The following CCDC73 variants were observed in gnomAD, a reference collection of about 807,000 sequenced individuals.
CCDC73 encodes the protein coiled-coil domain-containing protein 73.
CCDC73 carries 95 observed loss-of-function variants against 116.5 expected under a neutral mutation model. The ratio of observed to expected loss-of-function variants is 0.82; its 90% CI spans 0.69 to 0.97. The LOEUF (loss-of-function observed/expected upper bound fraction) is 0.97, where lower values mean the gene tolerates loss of function less well. CCDC73 is among the 50% of genes least tolerant of loss of function. The probability of loss-of-function intolerance (pLI) is 0.00; values close to 1 mark genes in which losing one functional copy is unlikely to be tolerated. For missense variants in CCDC73, 1,066 were observed against 1,206.8 expected (o/e 0.88, Z 1.73); for synonymous variants, 398 against 401.3 (o/e 0.99, Z 0.10).
intron 1 of CCDC73, among the ~76,000 whole-genome samples, chr11:32,776,994 T>TAAAC: frequency 2.4e-5 from 1 of 41,734 alleles, no homozygotes; most frequent in Non-Finnish European, 5.5e-5. Flanking sequence ...CACATGTATA[T>TAAAC]ATATATATAT....
chr11:32,640,008 A>AT (rs1268440819), intron 13 of CCDC73, among the ~76,000 whole-genome samples: 2 of 152,102 alleles, frequency 1.3e-5, no homozygotes, highest in Non-Finnish European at 2.9e-5. Context: ...ATTCCAATTT[A>AT]TTTTTATCAG....
intron 13 of CCDC73, among the ~76,000 whole-genome samples, chr11:32,636,579 CT>C (rs1453559452): frequency 1.3e-5 from 2 of 151,980 alleles, no homozygotes; most frequent in Non-Finnish European, 2.9e-5. Context: ...TTAAAAGTTT[CT>C]TATAAAAGTT....
intron 9 of CCDC73, among the ~76,000 whole-genome samples, chr11:32,659,452 A>C (rs1855902308): frequency 6.6e-6 from 1 of 151,890 alleles, no homozygotes. Context: ...GAAAAGCAAA[A>C]CTCTATCCCA....
At chr11:32,604,739 C>G (rs532558005) in intron 17 of CCDC73, 1 of 152,298 alleles carries the variant, frequency 6.6e-6, no homozygotes, top group South Asian at 2.1e-4. Context: ...GTTCATAAAT[C>G]TTTGTGAAGA....
chr11:32,828,318 G>A, the CCDC73 span, among the ~76,000 whole-genome samples: 8 of 152,066 alleles, frequency 5.3e-5, no homozygotes, highest in Middle Eastern at 3.4e-3. Flanking sequence ...AGAACAACCT[G>A]GCCAACATGG....
intron 12 of CCDC73, among the ~76,000 whole-genome samples, chr11:32,643,513 G>T (rs559001446): frequency 1.3e-5 from 2 of 152,184 alleles, no homozygotes; most frequent in South Asian, 4.1e-4. Flanking sequence ...ATATAGTATA[G>T]CTTATTGCTC....
At chr11:32,622,518 G>A (rs552266614) in intron 14 of CCDC73, among the ~76,000 whole-genome samples, 1 of 152,140 alleles carries the variant, frequency 6.6e-6, no homozygotes, top group Non-Finnish European at 1.5e-5. Flanking sequence ...CGGGTGGGGG[G>A]CAGCAAGGGG....
At chr11:32,606,361 C>A (rs1026200884) in intron 17 of CCDC73, 1 of 152,248 alleles carries the variant, frequency 6.6e-6, no homozygotes, top group South Asian at 2.1e-4. Context: ...TGGCCTCTTA[C>A]AACTGCTCAA....
chr11:32,728,892 A>C (rs976645230), intron 2 of CCDC73, among the ~76,000 whole-genome samples: 1 of 152,066 alleles, frequency 6.6e-6, no homozygotes, highest in Non-Finnish European at 1.5e-5. Flanking sequence ...TTTAGTAGAG[A>C]TGGGGTTTCA....
chr11:32,690,711 C>T (rs2133303280), intron 6 of CCDC73, among the ~76,000 whole-genome samples: 1 of 152,238 alleles, frequency 6.6e-6, no homozygotes, highest in Admixed American at 6.5e-5. Flanking sequence ...TTCCTGAGGC[C>T]TCCCAGTCAA....
At chr11:32,784,097 A>C (rs1256202411) in intron 1 of CCDC73, among the ~76,000 whole-genome samples, 1 of 152,236 alleles carries the variant, frequency 6.6e-6, no homozygotes, top group African/African-American at 2.4e-5. Flanking sequence ...TGGGAGGCCA[A>C]GGTGGGCAGA....
At chr11:32,718,227 T>G in intron 2 of CCDC73, 80 bp from the exon 3 acceptor site, 1 of 897,612 alleles carries the variant, frequency 1.1e-6, no homozygotes, top group Non-Finnish European at 1.7e-6. Context: ...TGGAGAGATA[T>G]AGAAATAGCA....
At chr11:32,780,270 T>C (rs1424563922) in intron 1 of CCDC73, among the ~76,000 whole-genome samples, 1 of 151,740 alleles carries the variant, frequency 6.6e-6, no homozygotes, top group Non-Finnish European at 1.5e-5. Context: ...GAAGGCTCTG[T>C]CTCAAAAAAT....
At chr11:32,789,300 T>C (rs1195183367) in intron 1 of CCDC73, among the ~76,000 whole-genome samples, 1 of 152,172 alleles carries the variant, frequency 6.6e-6, no homozygotes, top group Non-Finnish European at 1.5e-5. Flanking sequence ...AAGAGATCAG[T>C]TATAAAATCA....
At chr11:32,819,753 AC>A in the CCDC73 span, among the ~76,000 whole-genome samples, 1 of 152,190 alleles carries the variant, frequency 6.6e-6, no homozygotes, top group Admixed American at 6.5e-5. Context: ...GAGCCACTAT[AC>A]ATAACCAAGA....
chr11:32,638,214 T>A (rs1245021216), intron 13 of CCDC73, among the ~76,000 whole-genome samples: 1 of 152,240 alleles, frequency 6.6e-6, no homozygotes, highest in African/African-American at 2.4e-5. Flanking sequence ...TTCTTCTTAT[T>A]GATTTCTTTC....
At chr11:32,830,009 T>C in the CCDC73 span, 1 of 985,720 alleles carries the variant, frequency 1.0e-6, no homozygotes, top group Non-Finnish European at 1.2e-6. Context: ...CCCCAGGCCC[T>C]TCCCAGGTTT....
At chr11:32,758,241 C>A in intron 2 of CCDC73, 1 of 319,696 alleles carries the variant, frequency 3.1e-6, no homozygotes, top group South Asian at 2.9e-5. Flanking sequence ...CCTCTTCATC[C>A]AGGGATGGCA....
At chr11:32,624,017 G>A (rs995422295) in intron 14 of CCDC73, among the ~76,000 whole-genome samples, 3 of 152,026 alleles carry the variant, frequency 2.0e-5, no homozygotes, top group African/African-American at 7.2e-5. Flanking sequence ...TTTCCGGAAA[G>A]CAATCTGACA....
Sources: gnomAD v4.1 joint callset for allele counts (sites outside exome capture counted in the v4.1 genomes callset) on GRCh38, gnomAD v4.1.1 for gene constraint, MANE v1.5 for transcripts, NCBI Gene and HGNC (gene_info 2026-07-23, HGNC 2026-07-21) for gene names.